The following KCTD15 variants were observed in gnomAD, a reference collection of about 807,000 sequenced individuals.
The protein encoded by KCTD15 is potassium channel tetramerization domain containing 15, also known as BTB/POZ domain-containing protein KCTD15.
In KCTD15, 11 loss-of-function variants were observed where a neutral mutation model predicts 27.2. The observed-to-expected ratio is 0.41, with a 90% CI of 0.25 to 0.67. The LOEUF (loss-of-function observed/expected upper bound fraction) is 0.67, where lower values mean the gene tolerates loss of function less well. Among genes scored for constraint, KCTD15 ranks in the 30% least tolerant of loss-of-function variants. The pLI, the probability that KCTD15 is intolerant of heterozygous loss-of-function variation, is 0.35. For synonymous variants in KCTD15, 163 were observed against 176.0 expected, an observed-to-expected ratio of 0.93 and a Z score of 0.58; for missense variants, 350 against 409.3, an observed-to-expected ratio of 0.86 and a Z score of 1.25.
At chr19:33,810,905 G>T (rs544061846) in intron 5 of KCTD15, among the ~76,000 whole-genome samples, 1 of 152,052 alleles carries the variant, frequency 6.6e-6, no homozygotes, top group East Asian at 1.9e-4. Flanking sequence ...GCAGCAGCAG[G>T]TCCCCAGGCA....
chr19:33,807,890 G>A (rs1568380896), intron 5 of KCTD15, among the ~76,000 whole-genome samples: 1 of 151,722 alleles, frequency 6.6e-6, no homozygotes, highest in Non-Finnish European at 1.5e-5. Context: ...AGGTTGCAGT[G>A]AGCCGAGATC....
At chr19:33,795,359 G>C (rs766680490), upstream of KCTD15, among the ~76,000 whole-genome samples, 3 of 152,136 alleles carry the variant, frequency 2.0e-5, no homozygotes, top group Non-Finnish European at 4.4e-5. Context: ...CTAGTAGAGG[G>C]AGAAAGCCCC....
chr19:33,803,306 G>C (rs761695744), intron 4 of KCTD15, among the ~76,000 whole-genome samples: 19 of 152,244 alleles, frequency 1.2e-4, no homozygotes, highest in Non-Finnish European at 2.8e-4. Flanking sequence ...GAGCCCCTCA[G>C]ATCTCTCTTG....
chr19:33,811,518 C>T lies in KCTD15; in HGVS notation c.659C>T (p.Pro220Leu), dbSNP rs779686719. 1.9e-6 allele frequency: 3 copies of T among 1,609,344 alleles called. No individual in the cohort carries two copies. Among genetic ancestry groups the T allele is most frequent in the South Asian group, 2.2e-5 (2 of 90,960 alleles). ...GACCCCACGCACGTCATCCGCTTCC[C>T]GCTCAATGGCTACTGCCGGCTCAAC... ...NQDPTHVIRFPLNGYCRLNSV... is the reference protein window; with the variant it reads ...NQDPTHVIRFLLNGYCRLNSV... Residue 220 changes from proline (P) to leucine (L), a missense_variant, in exon 6 of 7, where the codon CCG (proline) becomes CTG (leucine). By Grantham distance (98) the Pro-to-Leu change is moderately conservative. This residue lies in a region of KCTD15 where 219 missense variants were observed against 234.9 expected (regional missense o/e 0.93). Coordinates refer to ENST00000683859, the MANE Select transcript of KCTD15 (RefSeq NM_001129994.2).
upstream of KCTD15, among the ~76,000 whole-genome samples, chr19:33,795,661 G>A (rs1171382036): frequency 6.6e-6 from 1 of 152,098 alleles, no homozygotes; most frequent in Non-Finnish European, 1.5e-5. Flanking sequence ...AGGAGGCACG[G>A]GCGGGGCGCA....
At chr19:33,802,916 A>T (rs1045125521) in intron 4 of KCTD15, among the ~76,000 whole-genome samples, 1 of 152,164 alleles carries the variant, frequency 6.6e-6, no homozygotes, top group African/African-American at 2.4e-5. Context: ...GAGGCTTCTC[A>T]TTCTGGGCTC....
intron 6 of KCTD15, 184 bp from the exon 7 acceptor site, chr19:33,812,606 G>T: frequency 7.7e-7 from 1 of 1,294,470 alleles, no homozygotes; most frequent in African/African-American, 1.5e-5. Context: ...GGCCACTTCT[G>T]TCCCTCTGGT....
At chr19:33,794,751 C>T (rs745454290), upstream of KCTD15, among the ~76,000 whole-genome samples, 3 of 152,260 alleles carry the variant, frequency 2.0e-5, no homozygotes, top group Non-Finnish European at 4.4e-5. Flanking sequence ...TATTTGAATA[C>T]TTGCTTCACT....
intron 5 of KCTD15, among the ~76,000 whole-genome samples, chr19:33,808,638 GGT>G (rs1293683125): frequency 6.6e-6 from 1 of 151,916 alleles, no homozygotes; most frequent in Non-Finnish European, 1.5e-5. Flanking sequence ...CAGTGGAAGG[GGT>G]GTGTGCAGGG....
chr19:33,800,929 T>C (rs1449251236), intron 3 of KCTD15, among the ~76,000 whole-genome samples: 1 of 152,224 alleles, frequency 6.6e-6, no homozygotes, highest in Non-Finnish European at 1.5e-5. Flanking sequence ...TCTTGATTTC[T>C]TATTGCTAAT....
intron 5 of KCTD15, among the ~76,000 whole-genome samples, chr19:33,810,636 GC>G (rs1417285742): frequency 6.6e-6 from 1 of 150,682 alleles, no homozygotes; most frequent in Non-Finnish European, 1.5e-5. Flanking sequence ...CTGCACTCCA[GC>G]CTGGGTGACA....
intron 6 of KCTD15, chr19:33,812,135 G>C (rs888309723): frequency 6.7e-5 from 84 of 1,250,348 alleles, no homozygotes; most frequent in Non-Finnish European, 8.3e-5. Flanking sequence ...AGGGCCCCCT[G>C]TGCACGCATT....
intron 1 of KCTD15, among the ~76,000 whole-genome samples, chr19:33,797,899 G>C (rs1214078802): frequency 6.6e-6 from 1 of 152,170 alleles, no homozygotes; most frequent in Non-Finnish European, 1.5e-5. Flanking sequence ...CTTCCCATCT[G>C]TGGTCTCCAA....
intron 1 of KCTD15, chr19:33,797,311 G>C (rs564897364): frequency 2.5e-6 from 1 of 396,400 alleles, no homozygotes; most frequent in Non-Finnish European, 5.0e-6. Context: ...CGCTTGTGGA[G>C]GTCCCCGCAC....
chr19:33,811,319 C>A lies in KCTD15; in HGVS notation c.460C>A (p.Gln154Lys), dbSNP rs1975902476. ...QPMVRELERW[Q>K]QEQEQRRRSR... Reference sequence around the variant, plus strand: ...CATGGTGCGCGAGCTGGAGCGCTGGCAGCAGGAGCAGGAGCAGCGGCGCCG... The same window carrying A: ...CATGGTGCGCGAGCTGGAGCGCTGGAAGCAGGAGCAGGAGCAGCGGCGCCG... The change falls in exon 6 of 7, where the codon CAG (glutamine) becomes AAG (lysine). Residue 154 changes from glutamine to lysine, a missense_variant. By Grantham distance (53) the Gln-to-Lys change is moderately conservative. Transcript: ENST00000683859. 6.4e-7 allele frequency: 1 copy of A among 1,552,180 alleles called. No individual in the cohort carries two copies. Among genetic ancestry groups the A allele is most frequent in the South Asian group, 1.2e-5 (1 of 84,448 alleles).
intron 5 of KCTD15, among the ~76,000 whole-genome samples, chr19:33,808,060 T>C (rs1975769641): frequency 6.6e-6 from 1 of 152,230 alleles, no homozygotes. Flanking sequence ...GGTGAGCCCG[T>C]CAGGGCAGGT....
chr19:33,806,732 TC>T (rs1975722894), intron 4 of KCTD15, 130 bp from the exon 5 acceptor site: 2 of 1,030,440 alleles, frequency 1.9e-6, no homozygotes, highest in Middle Eastern at 3.2e-4. Flanking sequence ...CTGGAACAGT[TC>T]CAGAGTCACC....
upstream of KCTD15, among the ~76,000 whole-genome samples, chr19:33,794,932 G>A (rs1975270801): frequency 6.6e-6 from 1 of 152,238 alleles, no homozygotes; most frequent in Non-Finnish European, 1.5e-5. Context: ...CTGAGCCGAA[G>A]CTGGGAGCTG....
At position 33,812,838 on chromosome 19, in the gene KCTD15, G is replaced by T; in HGVS notation, c.742G>T (p.Gly248Trp). Residue 248 changes from glycine to tryptophan, a missense_variant, in exon 7 of 7, where the codon GGG becomes TGG. Gly to Trp is a radical substitution (Grantham distance 184). Around this residue, in one of 3 missense-constraint regions of KCTD15, gnomAD observed 219 missense variants for 234.9 expected, o/e 0.93. Coordinates refer to ENST00000683859, the MANE Select transcript of KCTD15 (RefSeq NM_001129994.2). The stretch of plus-strand genomic sequence containing the variant: ...GGGTTTCAGCGTGGCTGCGTCCTGT[G>T]GGGGCGGTGTGGACTCCTCCCAGTT... Reference protein sequence around the residue: ...QRGFSVAASCGGGVDSSQFSE... With the variant: ...QRGFSVAASCWGGVDSSQFSE... 1 of 1,528,934 alleles carries T rather than the reference G, an allele frequency of 6.5e-7. No homozygotes were observed. Among genetic ancestry groups the T allele is most frequent in the Non-Finnish European group, 8.8e-7 (1 of 1,135,766 alleles). The allele number at this position is 1,528,934 out of a possible 1,614,324, so 94.7% of individuals were successfully genotyped here.
Sources: allele counts gnomAD v4.1 joint callset (sites outside exome capture counted in the v4.1 genomes callset), GRCh38; gene constraint gnomAD v4.1.1; regional missense constraint gnomAD v4.1.1; transcripts MANE v1.5; gene names NCBI Gene and HGNC (gene_info 2026-07-23, HGNC 2026-07-21).